BCO2: variants seen among roughly 807,000 people sequenced by gnomAD.
The protein encoded by BCO2 is carotenoid-cleaving dioxygenase, mitochondrial.
BCO2 carries 56 observed loss-of-function variants against 65.8 expected under a neutral mutation model. The ratio of observed to expected loss-of-function variants is 0.85; its 90% CI spans 0.69 to 1.06. BCO2 has a LOEUF of 1.06. BCO2 is among the 50% of genes least tolerant of loss of function. The pLI, the probability that BCO2 is intolerant of heterozygous loss-of-function variation, is 0.00. For missense variants in BCO2, 675 were observed against 698.5 expected, an observed-to-expected ratio of 0.97 and a Z score of 0.38; for synonymous variants, 233 against 242.3, an observed-to-expected ratio of 0.96 and a Z score of 0.36.
chr11:112,182,841 T>TTAAAA (rs45564138), intron 2 of BCO2: 675,860 of 787,884 alleles, frequency 0.86, 287,966 homozygotes, highest in South Asian at 0.9. Flanking sequence ...ACCCTAGAAC[T>TTAAAA]TATATATATA....
chr11:112,188,771 A>T (rs1410291187), intron 2 of BCO2, among the ~76,000 whole-genome samples: 13 of 71,394 alleles, frequency 1.8e-4, no homozygotes, highest in African/African-American at 2.7e-4. Context: ...TTTTTTTTTT[A>T]AAGTTTCTCC....
Position 112,193,461 on chromosome 11 carries a change from C to G in BCO2, c.294-13C>G. 3.1e-6 allele frequency: 5 copies of G among 1,606,492 alleles called. No homozygotes were observed. Among genetic ancestry groups the G allele is most frequent in the East Asian group, 4.5e-5 (2 of 44,836 alleles). On this transcript the variant is annotated splice_polypyrimidine_tract_variant and intron_variant, in intron 2 of 11. Transcript: ENST00000357685. Reference sequence around the variant, plus strand: ...TTTCTTACTGATATTTATTTATTTTCTCCTGTTTGAAGGTACAATCATTGG... The same window carrying G: ...TTTCTTACTGATATTTATTTATTTTGTCCTGTTTGAAGGTACAATCATTGG...
chr11:112,218,130 A>T lies in BCO2; in HGVS notation c.*256A>T. On this transcript the variant is annotated 3_prime_UTR_variant, in exon 12 of 12. Coordinates refer to ENST00000357685, the MANE Select transcript of BCO2 (RefSeq NM_031938.7). The stretch of plus-strand genomic sequence containing the variant: ...CAGAATCTAAAATAAAAATAAAAAG[A>T]AAAACAAAGAATGTACTCTATACAA... 1 of 326,502 alleles carries T rather than the reference A, an allele frequency of 3.1e-6. No individual in the cohort carries two copies. Among genetic ancestry groups the T allele is most frequent in the South Asian group, 7.3e-5 (1 of 13,760 alleles). The allele number at this position is 326,502 out of a possible 1,614,324, so 20.2% of individuals were successfully genotyped here.
Position 112,181,973 on chromosome 11 carries a change from C to T in BCO2, c.293+2491C>T, listed in dbSNP as rs1248953538. ...ACCCATCTGACAAAGGGCTAATATCCAGAATCTACAAAGAACTTAAACAAA... is the reference window on the plus strand; with the variant it reads ...ACCCATCTGACAAAGGGCTAATATCTAGAATCTACAAAGAACTTAAACAAA... On this transcript the variant is annotated intron_variant, in intron 2 of 11. Transcript: ENST00000357685. The T allele has an allele frequency of 1.8e-5, 9 of 511,114 alleles. No individual in the cohort carries two copies. In the African/African-American group the frequency reaches 1.8e-4, roughly 10 times the overall value. The allele number at this position is 511,114 out of a possible 1,614,324, so 31.7% of individuals were successfully genotyped here.
In BCO2 at chr11:112,199,757, C is replaced by A. The variant is rs1867679171; in HGVS notation, c.795C>A (p.Ile265=). The part of the protein sequence containing the change: ...PPEKVDLGET[I]HGVQVICSIA... Reference sequence around the variant, plus strand: ...AGAAGGTGGACCTTGGGGAGACAATCCATGGAGTCCAGGTGATATGTTCTA... The same window carrying A: ...AGAAGGTGGACCTTGGGGAGACAATACATGGAGTCCAGGTGATATGTTCTA... Residue 265 remains isoleucine, a synonymous_variant, in exon 6 of 12, where the codon ATC becomes ATA. Coordinates refer to ENST00000357685, the MANE Select transcript of BCO2 (RefSeq NM_031938.7). 1 of 1,613,580 alleles carries A rather than the reference C, an allele frequency of 6.2e-7. No homozygotes were observed. The highest frequency in any genetic ancestry group is 1.3e-5 in the African/African-American group (1 of 75,030).
chr11:112,200,356 A>G, intron 6 of BCO2: 1 of 310,960 alleles, frequency 3.2e-6, no homozygotes, highest in Non-Finnish European at 5.8e-6. Context: ...TAATTTAAAA[A>G]GAAAAGAAAA....
intron 2 of BCO2, among the ~76,000 whole-genome samples, chr11:112,192,677 C>CT (rs71463410): frequency 0.2 from 25,277 of 124,776 alleles, 3,213 homozygotes; most frequent in Non-Finnish European, 0.3. Context: ...TTCTTTCTTT[C>CT]TTTTTTTTTT....
At chr11:112,198,604 G>A (rs1057444481) in intron 5 of BCO2, among the ~76,000 whole-genome samples, 3 of 152,214 alleles carry the variant, frequency 2.0e-5, no homozygotes, top group Middle Eastern at 3.4e-3. Flanking sequence ...TTGGGGTGGG[G>A]AGGAGTCAGG....
intron 8 of BCO2, among the ~76,000 whole-genome samples, chr11:112,204,049 T>C (rs1382799647): frequency 1.3e-5 from 2 of 152,176 alleles, no homozygotes; most frequent in African/African-American, 4.8e-5. Flanking sequence ...AGACCAGGTT[T>C]CACCATGTTG....
intron 11 of BCO2, 105 bp from the exon 12 acceptor site, chr11:112,217,656 T>C: frequency 1.3e-6 from 1 of 756,666 alleles, no homozygotes; most frequent in East Asian, 2.7e-5. Context: ...CCACTGTGCC[T>C]GACCAACATG....
chr11:112,184,413 T>C (rs1204725499), intron 2 of BCO2, among the ~76,000 whole-genome samples: 23 of 152,068 alleles, frequency 1.5e-4, no homozygotes, highest in Non-Finnish European at 1.5e-5. Flanking sequence ...CCACCACGCC[T>C]GGCTAATTTT....
chr11:112,203,070 A>G (rs1353360110), intron 8 of BCO2, among the ~76,000 whole-genome samples: 1 of 148,396 alleles, frequency 6.7e-6, no homozygotes, highest in Non-Finnish European at 1.5e-5. Context: ...AAAAAAAAGC[A>G]TATGTGATAG....
intron 8 of BCO2, among the ~76,000 whole-genome samples, chr11:112,204,834 G>A (rs1410160876): frequency 2.0e-5 from 3 of 151,858 alleles, no homozygotes; most frequent in African/African-American, 4.8e-5. Flanking sequence ...CACCATGCCC[G>A]TTGTATTTTT....
chr11:112,181,244 G>C (rs961903701), intron 2 of BCO2: 46 of 633,896 alleles, frequency 7.3e-5, no homozygotes, highest in Middle Eastern at 4.5e-4. Context: ...TGCAGTGGCG[G>C]GATCTCGGCT....
At chr11:112,199,223 C>T (rs12363313) in intron 5 of BCO2, among the ~76,000 whole-genome samples, 1,788 of 152,200 alleles carry the variant, frequency 0.012, 20 homozygotes, top group Non-Finnish European at 0.02. Flanking sequence ...GTTTTCTGTC[C>T]TTGTGTTAGT....
intron 8 of BCO2, among the ~76,000 whole-genome samples, chr11:112,206,400 G>A (rs1056302806): frequency 6.6e-5 from 10 of 152,196 alleles, no homozygotes; most frequent in Non-Finnish European, 7.3e-5. Context: ...ACGGGGCGGC[G>A]GCCGGCTTTT....
At position 112,213,131 on chromosome 11, in the gene BCO2, C is replaced by CTTTT. The variant is rs35527541; in HGVS notation, c.1195-567_1195-564dup. ...TGTTTATTTGATGCTAATTAAATAA[C>CTTTT]TTTTTTTTTTTTTTTTTTTTTTTTT... On this transcript the variant is annotated intron_variant, in intron 8 of 11. Coordinates refer to ENST00000357685, the MANE Select transcript of BCO2 (RefSeq NM_031938.7). 3.8e-4 allele frequency among the ~76,000 whole-genome samples: 24 copies of CTTTT among 63,114 alleles called. 2 individuals carry two copies. The highest frequency in any genetic ancestry group is 7.8e-4 in the South Asian group (1 of 1,290). 41.4% of individuals were successfully genotyped at this position (63,114 alleles called of 152,430 possible).
rs902597800 is a variant in BCO2, at chr11:112,181,406, C to T, written c.293+1924C>T. The T allele has an allele frequency of 1.9e-5, 11 of 582,526 alleles. 1 individual carries two copies. The Admixed American group carries it at 2.8e-4, about 15-fold the overall frequency. 36.1% of individuals were successfully genotyped at this position (582,526 alleles called of 1,614,324 possible). A position where few individuals can be genotyped will look rare whatever the true frequency, so the allele number is the denominator to read the frequency against. On this transcript the variant is annotated intron_variant, in intron 2 of 11. Transcript: ENST00000357685. ...CCGTTTTAGCTGGGATGGTCTCGAT[C>T]TCCTGACCTCGTGATCCGCCCGCCT...
At position 112,200,757 on chromosome 11, in the gene BCO2, A is replaced by G. The variant is rs1441004188; in HGVS notation, c.1010A>G (p.Glu337Gly). The G allele has an allele frequency of 1.9e-5, 31 of 1,613,478 alleles. No individual in the cohort carries two copies. The highest frequency in any genetic ancestry group is 2.5e-5 in the Non-Finnish European group (30 of 1,179,866). The change falls in exon 7 of 12, where the codon GAA becomes GGA. Residue 337 changes from glutamate (E) to glycine (G), a missense_variant. Physicochemically the swap from Glu to Gly is moderately conservative, Grantham distance 98. Coordinates refer to ENST00000357685, the MANE Select transcript of BCO2 (RefSeq NM_031938.7). ...TGTAATACGCGGTTTCATGTGGTGG[A>G]AAAACGCACTGGACAGGTGGAGTAT... ...PQCNTRFHVVEKRTGQLLPGR... is the reference protein window; with the variant it reads ...PQCNTRFHVVGKRTGQLLPGR...
Sources: gnomAD v4.1 joint callset for allele counts (sites outside exome capture counted in the v4.1 genomes callset) on GRCh38, gnomAD v4.1.1 for gene constraint, MANE v1.5 for transcripts, NCBI Gene and HGNC (gene_info 2026-07-23, HGNC 2026-07-21) for gene names.